Variants in SEMA3A observed in about 807,000 individuals in gnomAD.
The protein encoded by SEMA3A is semaphorin 3A, also known as semaphorin-3A.
A neutral mutation model predicts 97.9 loss-of-function variants in SEMA3A; 29 were observed. The ratio of observed to expected loss-of-function variants is 0.30; its 90% CI spans 0.22 to 0.40. SEMA3A has a LOEUF of 0.40. Ranked by LOEUF, SEMA3A falls within the 10% of genes least tolerant of loss-of-function variation. SEMA3A has a pLI of 1.00. For missense variants in SEMA3A, 763 were observed against 951.3 expected, an observed-to-expected ratio of 0.80 and a Z score of 2.60; for synonymous variants, 321 against 323.7, an observed-to-expected ratio of 0.99 and a Z score of 0.09.
chr7:84,315,021 C>A (rs1380575719), intron 2 of SEMA3A, among the ~76,000 whole-genome samples: 1 of 152,018 alleles, frequency 6.6e-6, no homozygotes, highest in East Asian at 1.9e-4. Context: ...TCTGGAGAAG[C>A]TTTTGGTTTG....
intron 6 of SEMA3A, 53 bp downstream of exon 6, chr7:84,046,271 A>C: frequency 6.3e-7 from 1 of 1,595,048 alleles, no homozygotes; most frequent in Non-Finnish European, 8.6e-7. Flanking sequence ...TTCTCTAGTA[A>C]CTTAATACAG....
intron 3 of SEMA3A, among the ~76,000 whole-genome samples, chr7:84,289,334 C>T (rs1331204199): frequency 6.6e-6 from 1 of 152,070 alleles, no homozygotes; most frequent in Non-Finnish European, 1.5e-5. Flanking sequence ...CAATAATTTA[C>T]TGTATATTTC....
chr7:84,209,411 A>G (rs2116315228), intron 3 of SEMA3A, among the ~76,000 whole-genome samples: 1 of 152,310 alleles, frequency 6.6e-6, no homozygotes, highest in Middle Eastern at 3.4e-3. Context: ...GTACAGTATG[A>G]TGAGGGAAAC....
chr7:84,051,475 G>A (rs1792650064), intron 5 of SEMA3A, among the ~76,000 whole-genome samples: 1 of 152,132 alleles, frequency 6.6e-6, no homozygotes, highest in South Asian at 2.1e-4. Flanking sequence ...TGAAGCAATT[G>A]TGAATGGGAG....
At chr7:84,479,161 G>C (rs1806377188) in intron 1 of SEMA3A, among the ~76,000 whole-genome samples, 1 of 152,156 alleles carries the variant, frequency 6.6e-6, no homozygotes, top group Admixed American at 6.5e-5. Context: ...GGTAAAAAAT[G>C]CATCAAGTAG....
chr7:84,339,883 A>C lies in SEMA3A; in HGVS notation c.-169+31941T>G, dbSNP rs555614827. ...CATATTAATGATGAGTAATCCTAAA[A>C]AAAATTTCAAGCTCATAAAACCATT... On this transcript the variant is annotated intron_variant, in intron 2 of 3. Coordinates refer to the SEMA3A transcript ENST00000424555. Among the ~76,000 whole-genome samples the C allele has an allele frequency of 3.3e-5, 5 of 152,290 alleles. No homozygotes were observed. The South Asian group carries it at 1.0e-3, about 32-fold the overall frequency.
chr7:84,182,597 T>C (rs1438362312), intron 1 of SEMA3A, among the ~76,000 whole-genome samples: 2 of 150,920 alleles, frequency 1.3e-5, no homozygotes, highest in Non-Finnish European at 1.5e-5. Flanking sequence ...TCTCCTTTCA[T>C]CCTCACATTA....
At chr7:84,065,860 A>T (rs1428004024) in intron 4 of SEMA3A, among the ~76,000 whole-genome samples, 6 of 151,864 alleles carry the variant, frequency 4.0e-5, no homozygotes, top group Non-Finnish European at 4.4e-5. Context: ...AACTGGTAGC[A>T]TTCCTTCTGA....
At chr7:84,082,464 G>C (rs921011463) in intron 4 of SEMA3A, among the ~76,000 whole-genome samples, 1 of 151,948 alleles carries the variant, frequency 6.6e-6, no homozygotes, top group East Asian at 1.9e-4. Flanking sequence ...AGAAGTTAAG[G>C]TAACTTCTAA....
At chr7:84,051,928 T>C (rs1040577008) in intron 5 of SEMA3A, among the ~76,000 whole-genome samples, 1 of 150,546 alleles carries the variant, frequency 6.6e-6, no homozygotes. Context: ...GAAGGGTTGT[T>C]GAATTTTGTC....
chr7:83,991,370 G>A (rs200143199), intron 12 of SEMA3A, among the ~76,000 whole-genome samples: 3 of 151,590 alleles, frequency 2.0e-5, no homozygotes, highest in African/African-American at 7.3e-5. Context: ...AATAGGAGTG[G>A]TGAGAGAGGG....
intron 3 of SEMA3A, among the ~76,000 whole-genome samples, chr7:84,265,026 C>T (rs1799955597): frequency 6.6e-6 from 1 of 152,118 alleles, no homozygotes; most frequent in South Asian, 2.1e-4. Context: ...ACCAATAGCA[C>T]CCACTTCCCA....
At chr7:84,391,523 G>C (rs1163371448) in intron 1 of SEMA3A, among the ~76,000 whole-genome samples, 1 of 152,044 alleles carries the variant, frequency 6.6e-6, no homozygotes, top group Non-Finnish European at 1.5e-5. Context: ...AAATATTTTG[G>C]AACAGCAGGA....
chr7:84,423,537 A>G (rs534829693), intron 1 of SEMA3A, among the ~76,000 whole-genome samples: 179 of 152,136 alleles, frequency 1.2e-3, no homozygotes, highest in African/African-American at 3.9e-3. Context: ...GACACTTCCT[A>G]TTGTAATTTA....
intron 1 of SEMA3A, among the ~76,000 whole-genome samples, chr7:84,173,744 C>T (rs1044322225): frequency 6.6e-6 from 1 of 152,122 alleles, no homozygotes; most frequent in Admixed American, 6.5e-5. Context: ...CAATCCCCCT[C>T]CCACAGATGG....
chr7:84,406,759 A>G (rs1055990364), intron 1 of SEMA3A, among the ~76,000 whole-genome samples: 20 of 152,202 alleles, frequency 1.3e-4, no homozygotes, highest in Non-Finnish European at 2.5e-4. Context: ...ATGAAAATCA[A>G]TAAACATAAT....
intron 2 of SEMA3A, among the ~76,000 whole-genome samples, chr7:84,355,451 A>G (rs766635903): frequency 1.3e-5 from 2 of 151,924 alleles, no homozygotes; most frequent in Admixed American, 6.6e-5. Flanking sequence ...ACACAAACAC[A>G]TAATTGTATC....
intron 1 of SEMA3A, among the ~76,000 whole-genome samples, chr7:84,150,605 G>A (rs1049556228): frequency 1.3e-5 from 2 of 152,140 alleles, no homozygotes; most frequent in Admixed American, 6.5e-5. Context: ...ATGGAGTCTC[G>A]CTGATTGCTA....
intron 2 of SEMA3A, among the ~76,000 whole-genome samples, chr7:84,314,592 A>C (rs532371239): frequency 6.6e-6 from 1 of 152,296 alleles, no homozygotes; most frequent in East Asian, 1.9e-4. Context: ...TGTGCAATAT[A>C]TAAACTTTGT....
Sources: allele counts gnomAD v4.1 joint callset (sites outside exome capture counted in the v4.1 genomes callset), GRCh38; gene constraint gnomAD v4.1.1; transcripts MANE v1.5; gene names NCBI Gene and HGNC (gene_info 2026-07-23, HGNC 2026-07-21).